Variants in KCNMA1 observed in about 807,000 individuals in gnomAD.
The protein encoded by KCNMA1 is potassium calcium-activated channel subfamily M alpha 1.
In KCNMA1, 29 loss-of-function variants were observed where a neutral mutation model predicts 140.0. The ratio of observed to expected loss-of-function variants is 0.21; its 90% confidence interval spans 0.15 to 0.28. KCNMA1 has a LOEUF of 0.28. Ranked by LOEUF, KCNMA1 falls within the 10% of genes least tolerant of loss-of-function variation. The pLI, the probability that KCNMA1 is intolerant of heterozygous loss-of-function variation, is 1.00. For synonymous variants in KCNMA1, 612 were observed against 611.9 expected, an observed-to-expected ratio of 1.00 and a Z score of 0.00; for missense variants, 880 against 1,602.2, an observed-to-expected ratio of 0.55 and a Z score of 7.70.
At chr10:77,447,718 C>T (rs917525799) in intron 1 of KCNMA1, among the ~76,000 whole-genome samples, 8 of 152,200 alleles carry the variant, frequency 5.3e-5, no homozygotes, top group Non-Finnish European at 1.2e-4. Flanking sequence ...AGAACAGGGG[C>T]TCATTGGTAC....
intron 20 of KCNMA1, among the ~76,000 whole-genome samples, chr10:76,965,418 G>A (rs1442938148): frequency 2.0e-5 from 3 of 152,148 alleles, no homozygotes. Context: ...TGTAGTGTGT[G>A]TCTCAGAAAT....
chr10:77,012,585 G>C lies in KCNMA1; in HGVS notation c.2016-542C>G, dbSNP rs759652648. The C allele has an allele frequency of 5.9e-6, 9 of 1,524,982 alleles. No homozygotes were observed. In the Admixed American group the frequency reaches 1.4e-4, roughly 23 times the overall value. 94.5% of individuals were successfully genotyped at this position (1,524,982 alleles called of 1,614,324 possible). On this transcript the variant is annotated intron_variant, in intron 17 of 27. Coordinates refer to ENST00000286628, the MANE Select transcript of KCNMA1 (RefSeq NM_001161352.2). Reference sequence around the variant, plus strand: ...GCAGAGAGGGAAAAACGAAAGCCACGAGTCAGTGGGTTCCTCTGTCAAACC... The same window carrying C: ...GCAGAGAGGGAAAAACGAAAGCCACCAGTCAGTGGGTTCCTCTGTCAAACC...
chr10:76,887,197 T>G lies in KCNMA1; in HGVS notation c.*69A>C. Reference sequence around the variant, plus strand: ...ACAGGGGAAAACAGGGAAAGTTACTTTGTTGGAAACACCAACTGGGGAAAT... The same window carrying G: ...ACAGGGGAAAACAGGGAAAGTTACTGTGTTGGAAACACCAACTGGGGAAAT... On this transcript the variant is annotated 3_prime_UTR_variant, in exon 28 of 28. Transcript: ENST00000286628. 6.2e-7 allele frequency: 1 copy of G among 1,613,424 alleles called. No individual in the cohort carries two copies. The highest frequency in any genetic ancestry group is 1.1e-5 in the South Asian group (1 of 90,428).
chr10:77,439,857 C>A (rs1603619964), intron 1 of KCNMA1, among the ~76,000 whole-genome samples: 1 of 152,322 alleles, frequency 6.6e-6, no homozygotes, highest in East Asian at 1.9e-4. Context: ...CCACAGAATG[C>A]AATGTGAATG....
intron 1 of KCNMA1, among the ~76,000 whole-genome samples, chr10:77,526,626 C>G (rs919280954): frequency 6.6e-6 from 1 of 152,170 alleles, no homozygotes; most frequent in East Asian, 1.9e-4. Context: ...ATGAGCACAG[C>G]CATGAACTCA....
chr10:77,082,949 A>G (rs895236118), intron 12 of KCNMA1, among the ~76,000 whole-genome samples: 13 of 152,134 alleles, frequency 8.5e-5, no homozygotes, highest in Non-Finnish European at 1.8e-4. Context: ...CACCTCACTG[A>G]TGGGGAAGCT....
chr10:76,937,884 C>T (rs186570650), intron 23 of KCNMA1, among the ~76,000 whole-genome samples: 2 of 151,276 alleles, frequency 1.3e-5, no homozygotes, highest in East Asian at 1.9e-4. Context: ...TCAAAGAGGG[C>T]GGGAGGAAAG....
At chr10:77,042,256 G>A (rs1437290812) in intron 14 of KCNMA1, among the ~76,000 whole-genome samples, 2 of 152,074 alleles carry the variant, frequency 1.3e-5, no homozygotes, top group African/African-American at 4.8e-5. Flanking sequence ...AGCTAAGCCT[G>A]AACTTTTTAA....
At chr10:77,205,431 A>T (rs1039888483) in intron 3 of KCNMA1, among the ~76,000 whole-genome samples, 1 of 152,224 alleles carries the variant, frequency 6.6e-6, no homozygotes, top group African/African-American at 2.4e-5. Flanking sequence ...AAGATGAATT[A>T]AAATCTCCAC....
rs1594820269 is a variant in KCNMA1, at chr10:77,052,619, G to GT, written c.1750-12983_1750-12982insA. Reference sequence around the variant, plus strand: ...TATCCTTGGTCCACAGGATGAGTGTGCAAAAAAAAAAAAAGGGTACTTATT... The same window carrying GT: ...TATCCTTGGTCCACAGGATGAGTGTGTCAAAAAAAAAAAAAGGGTACTTATT... On this transcript the variant is annotated intron_variant, in intron 14 of 27. Transcript: ENST00000286628. 1.3e-4 allele frequency among the ~76,000 whole-genome samples: 6 copies of GT among 45,772 alleles called. No homozygotes were observed. The East Asian group carries it at 2.7e-3, about 20-fold the overall frequency. The allele number at this position is 45,772 out of a possible 152,430, so 30.0% of individuals were successfully genotyped here.
At chr10:77,476,707 G>A (rs1203389353) in intron 1 of KCNMA1, among the ~76,000 whole-genome samples, 1 of 152,208 alleles carries the variant, frequency 6.6e-6, no homozygotes, top group Non-Finnish European at 1.5e-5. Flanking sequence ...AAGCCTCACA[G>A]CCAGAACCCT....
chr10:77,391,687 A>C (rs758120851), intron 2 of KCNMA1, among the ~76,000 whole-genome samples: 1 of 151,928 alleles, frequency 6.6e-6, no homozygotes, highest in African/African-American at 2.4e-5. Flanking sequence ...AGAGTCTAAA[A>C]ATGAGGCTTT....
intron 23 of KCNMA1, among the ~76,000 whole-genome samples, chr10:76,925,968 C>T (rs1314148579): frequency 6.6e-6 from 1 of 152,172 alleles, no homozygotes; most frequent in African/African-American, 2.4e-5. Context: ...AGACGCCTGG[C>T]CCAAGATAGC....
intron 25 of KCNMA1, among the ~76,000 whole-genome samples, chr10:76,905,832 T>C (rs985211111): frequency 1.3e-5 from 2 of 152,192 alleles, no homozygotes; most frequent in African/African-American, 4.8e-5. Flanking sequence ...GAAGGCAAGG[T>C]CTTCATCCTT....
chr10:77,353,970 T>TGGGGGGGGGGGG (rs563299513), intron 2 of KCNMA1, among the ~76,000 whole-genome samples: 4 of 92,940 alleles, frequency 4.3e-5, no homozygotes, highest in African/African-American at 1.0e-4. Flanking sequence ...CCTCTTTTTT[T>TGGGGGGGGGGGG]GGGGGGGGGG....
At chr10:77,036,396 A>G (rs934619861) in intron 15 of KCNMA1, among the ~76,000 whole-genome samples, 2 of 152,184 alleles carry the variant, frequency 1.3e-5, no homozygotes, top group Non-Finnish European at 2.9e-5. Context: ...CTTTTCATAG[A>G]ATGACTCCCC....
intron 2 of KCNMA1, among the ~76,000 whole-genome samples, chr10:77,280,442 G>A (rs1347707983): frequency 6.6e-6 from 1 of 152,212 alleles, no homozygotes; most frequent in Non-Finnish European, 1.5e-5. Context: ...GAAAAAAACA[G>A]TTTTGCCTCT....
downstream of KCNMA1, among the ~76,000 whole-genome samples, chr10:76,883,322 A>G (rs191114411): frequency 4.2e-4 from 64 of 152,336 alleles, no homozygotes; most frequent in Non-Finnish European, 3.4e-4. Flanking sequence ...TTTATATCAA[A>G]TATTTATTGA....
intron 4 of KCNMA1, among the ~76,000 whole-genome samples, chr10:77,184,116 C>T (rs1270902251): frequency 2.6e-5 from 4 of 151,846 alleles, no homozygotes; most frequent in Non-Finnish European, 5.9e-5. Context: ...ACTCTCCTCA[C>T]CTTCCTTTCA....
Sources: allele counts gnomAD v4.1 joint callset (sites outside exome capture counted in the v4.1 genomes callset), GRCh38; gene constraint gnomAD v4.1.1; transcripts MANE v1.5; gene names NCBI Gene and HGNC (gene_info 2026-07-23, HGNC 2026-07-21).